Variants in GRIP1 observed in about 807,000 individuals in gnomAD.
The protein encoded by GRIP1 is glutamate receptor interacting protein 1.
GRIP1 carries 45 observed loss-of-function variants against 129.9 expected under a neutral mutation model. The ratio of observed to expected loss-of-function variants is 0.35; its 90% CI spans 0.27 to 0.44. The LOEUF (loss-of-function observed/expected upper bound fraction) is 0.44. Ranked by LOEUF, GRIP1 falls within the 20% of genes least tolerant of loss-of-function variation. The pLI, the probability that GRIP1 is intolerant of heterozygous loss-of-function variation, is 1.00. For synonymous variants in GRIP1, 530 were observed against 520.8 expected, an observed-to-expected ratio of 1.02 and a Z score of -0.24; for missense variants, 1,196 against 1,396.8, an observed-to-expected ratio of 0.86 and a Z score of 2.29.
intron 16 of GRIP1, among the ~76,000 whole-genome samples, chr12:66,402,233 G>A (rs1416389147): frequency 6.6e-6 from 1 of 152,140 alleles, no homozygotes; most frequent in Non-Finnish European, 1.5e-5. Context: ...GGAATATTTT[G>A]TGCATATCCT....
intron 1 of GRIP1, among the ~76,000 whole-genome samples, chr12:66,613,991 A>G (rs1015211817): frequency 4.6e-5 from 7 of 152,186 alleles, no homozygotes; most frequent in African/African-American, 1.7e-4. Context: ...TTTCAGCAGT[A>G]TTACAGGAAT....
chr12:66,371,581 T>C (rs1347900481), intron 23 of GRIP1, 113 bp downstream of exon 23: 2 of 769,850 alleles, frequency 2.6e-6, no homozygotes, highest in Non-Finnish European at 4.8e-6. Context: ...TAAGCTTCTT[T>C]GCTTGGCTGA....
At chr12:67,054,403 T>C (rs549515805) in intron 1 of GRIP1, among the ~76,000 whole-genome samples, 1 of 152,298 alleles carries the variant, frequency 6.6e-6, no homozygotes, top group South Asian at 2.1e-4. Context: ...ACAGCAGGCA[T>C]ATAAAATACA....
intron 1 of GRIP1, among the ~76,000 whole-genome samples, chr12:67,017,081 G>A (rs1301697592): frequency 1.3e-5 from 2 of 152,168 alleles, no homozygotes; most frequent in African/African-American, 4.8e-5. Flanking sequence ...AGGCAAATAA[G>A]ACAATGAATC....
intron 1 of GRIP1, among the ~76,000 whole-genome samples, chr12:66,879,878 G>C (rs2040445539): frequency 6.6e-6 from 1 of 152,062 alleles, no homozygotes; most frequent in Non-Finnish European, 1.5e-5. Flanking sequence ...ATGCAAGGAG[G>C]GTATGGGAGC....
At chr12:66,460,741 C>T (rs12809616) in intron 9 of GRIP1, among the ~76,000 whole-genome samples, 63,127 of 151,982 alleles carry the variant, frequency 0.42, 14,001 homozygotes, top group African/African-American at 0.55. Context: ...ACTGTTCAGG[C>T]ATCAGAGATC....
At chr12:67,022,194 T>C (rs915006345) in intron 1 of GRIP1, among the ~76,000 whole-genome samples, 2 of 152,208 alleles carry the variant, frequency 1.3e-5, no homozygotes, top group African/African-American at 2.4e-5. Flanking sequence ...CTCCTTTGGA[T>C]ATATATCCAA....
At chr12:66,791,664 CT>C in intron 1 of GRIP1, among the ~76,000 whole-genome samples, 1 of 152,208 alleles carries the variant, frequency 6.6e-6, no homozygotes, top group African/African-American at 2.4e-5. Flanking sequence ...CAACAATACT[CT>C]TTTTTGATGT....
chr12:66,567,797 A>G, intron 2 of GRIP1: 1 of 206,358 alleles, frequency 4.8e-6, no homozygotes, highest in South Asian at 9.4e-5. Flanking sequence ...CCCCAGAGAA[A>G]GGTTCAGTGT....
chr12:66,897,532 T>C (rs935237701), intron 1 of GRIP1, among the ~76,000 whole-genome samples: 6 of 152,182 alleles, frequency 3.9e-5, no homozygotes, highest in African/African-American at 1.4e-4. Context: ...AATCAGCCGC[T>C]TCAGAACATA....
rs117832030 is a variant in GRIP1, at chr12:66,905,050, G to A, written c.58+164000C>T. On this transcript the variant is annotated intron_variant, in intron 1 of 1. Transcript: ENST00000643019. ...CCTTAGATACAAGAAATATTGCTGA[G>A]TCTCTATGCATGTTGACTCTGTAAA... is the stretch of plus-strand genomic sequence containing the variant. Among the ~76,000 whole-genome samples the A allele has an allele frequency of 5.4e-3, 829 of 152,308 alleles. 2 individuals carry two copies. Among genetic ancestry groups the A allele is most frequent in the Non-Finnish European group, 7.7e-3 (521 of 68,030 alleles).
At chr12:66,597,383 A>G (rs1401287861) in intron 1 of GRIP1, among the ~76,000 whole-genome samples, 1 of 152,170 alleles carries the variant, frequency 6.6e-6, no homozygotes, top group African/African-American at 2.4e-5. Flanking sequence ...TATTTCAGAT[A>G]AGCAGATGAC....
At chr12:66,467,020 T>G (rs1027853555) in intron 7 of GRIP1, among the ~76,000 whole-genome samples, 3 of 152,174 alleles carry the variant, frequency 2.0e-5, no homozygotes, top group Non-Finnish European at 4.4e-5. Context: ...GATGACAATA[T>G]CCAGGCCAAC....
intron 1 of GRIP1, among the ~76,000 whole-genome samples, chr12:66,964,630 T>G (rs1427838066): frequency 1.3e-5 from 2 of 152,146 alleles, no homozygotes; most frequent in African/African-American, 2.4e-5. Context: ...GTTCTTATTT[T>G]GCTCTCCATC....
intron 1 of GRIP1, among the ~76,000 whole-genome samples, chr12:66,664,498 G>A (rs1257539980): frequency 6.6e-6 from 1 of 152,128 alleles, no homozygotes; most frequent in Non-Finnish European, 1.5e-5. Flanking sequence ...AACACAGTAA[G>A]AGCTTCCCCT....
chr12:66,916,453 G>T (rs2041123713), intron 1 of GRIP1, among the ~76,000 whole-genome samples: 1 of 152,152 alleles, frequency 6.6e-6, no homozygotes, highest in African/African-American at 2.4e-5. Flanking sequence ...TCCTGAGTTT[G>T]TACAGACAAC....
At chr12:66,474,828 T>G (rs12425590) in intron 7 of GRIP1, among the ~76,000 whole-genome samples, 40,479 of 151,832 alleles carry the variant, frequency 0.27, 5,615 homozygotes, top group Middle Eastern at 0.43. Context: ...CCTGAAGGAA[T>G]CACTAAACAT....
At chr12:66,749,441 T>C (rs771292395) in intron 1 of GRIP1, among the ~76,000 whole-genome samples, 2 of 152,214 alleles carry the variant, frequency 1.3e-5, no homozygotes, top group African/African-American at 2.4e-5. Context: ...AAGCAAACAA[T>C]GGCTATGAGC....
At chr12:66,356,962 T>C (rs2054517807) in intron 23 of GRIP1, among the ~76,000 whole-genome samples, 1 of 152,178 alleles carries the variant, frequency 6.6e-6, no homozygotes, top group Non-Finnish European at 1.5e-5. Context: ...CTTGGCTCAC[T>C]GCCTCCTGGG....
Sources: allele counts gnomAD v4.1 joint callset (sites outside exome capture counted in the v4.1 genomes callset), GRCh38; gene constraint gnomAD v4.1.1; transcripts MANE v1.5; gene names NCBI Gene and HGNC (gene_info 2026-07-23, HGNC 2026-07-21).